ARHGEF10L: variants seen among roughly 807,000 people sequenced by gnomAD.
ARHGEF10L encodes the protein Rho guanine nucleotide exchange factor 10 like, also known as rho guanine nucleotide exchange factor 10-like protein.
A neutral mutation model predicts 141.2 loss-of-function variants in ARHGEF10L; 69 were observed. That is an observed-to-expected ratio of 0.49 (90% confidence interval 0.40 to 0.60). The LOEUF (loss-of-function observed/expected upper bound fraction) is 0.60, where lower values mean the gene tolerates loss of function less well. ARHGEF10L is among the 20% of genes least tolerant of loss of function. The probability of loss-of-function intolerance (pLI) is 0.00; values close to 1 mark genes in which losing one functional copy is unlikely to be tolerated. For missense variants in ARHGEF10L, 1,482 were observed against 1,734.3 expected, an observed-to-expected ratio of 0.85 and a Z score of 2.58; for synonymous variants, 711 against 718.5, an observed-to-expected ratio of 0.99 and a Z score of 0.17.
chr1:17,599,116 A>G (rs2080389055), intron 4 of ARHGEF10L, among the ~76,000 whole-genome samples: 1 of 152,070 alleles, frequency 6.6e-6, no homozygotes, highest in Non-Finnish European at 1.5e-5. Flanking sequence ...TGGGCAGATC[A>G]CCTGAGGTCA....
intron 25 of ARHGEF10L, among the ~76,000 whole-genome samples, chr1:17,659,815 C>T (rs1245427958): frequency 6.6e-6 from 1 of 152,218 alleles, no homozygotes; most frequent in Non-Finnish European, 1.5e-5. Flanking sequence ...TGGAGAAGGA[C>T]AGGACCAGAC....
Position 17,603,625 on chromosome 1 carries a change from G to T in ARHGEF10L, c.433+34G>T, listed in dbSNP as rs747093223. 6.4e-7 allele frequency: 1 copy of T among 1,554,834 alleles called. No homozygotes were observed. The highest frequency in any genetic ancestry group is 1.4e-5 in the African/African-American group (1 of 73,476). Reference sequence around the variant, plus strand: ...TCTGCAGTGCTTCCCTGTTTCTCTTGGGGACAGGGGAGGGAGGCTGGGACT... The same window carrying T: ...TCTGCAGTGCTTCCCTGTTTCTCTTTGGGACAGGGGAGGGAGGCTGGGACT... On this transcript the variant is annotated intron_variant, in intron 6 of 28. Transcript: ENST00000361221. This position sits in a 1 kb window ranked among gnomAD's most constrained non-coding sequence, Gnocchi z 4.8.
intron 21 of ARHGEF10L, among the ~76,000 whole-genome samples, chr1:17,646,346 C>T (rs974535175): frequency 1.8e-4 from 28 of 152,214 alleles, no homozygotes; most frequent in African/African-American, 6.0e-4. Context: ...TTGATGAAAG[C>T]GAGTCAGATT....
chr1:17,687,785 A>G, intron 27 of ARHGEF10L, 38 bp downstream of exon 27: 1 of 1,537,978 alleles, frequency 6.5e-7, no homozygotes, highest in South Asian at 1.3e-5. Flanking sequence ...GGACAGTCAC[A>G]GAGCACCTTC....
At chr1:17,518,666 C>T in the ARHGEF10L span, among the ~76,000 whole-genome samples, 2 of 151,924 alleles carry the variant, frequency 1.3e-5, no homozygotes, top group Middle Eastern at 3.4e-3. Context: ...GTGGTGCACA[C>T]CTGTAGTCCC....
intron 4 of ARHGEF10L, among the ~76,000 whole-genome samples, chr1:17,590,381 A>G (rs1179507375): frequency 1.3e-5 from 2 of 152,080 alleles, no homozygotes; most frequent in Non-Finnish European, 2.9e-5. Context: ...CTTGTGCGGC[A>G]GTGCCTGGTG....
intron 26 of ARHGEF10L, among the ~76,000 whole-genome samples, chr1:17,684,086 A>G (rs1277261177): frequency 1.3e-5 from 2 of 152,290 alleles, no homozygotes; most frequent in African/African-American, 2.4e-5. Flanking sequence ...GTTGGGTCTC[A>G]CTGACTGTCC....
intron 21 of ARHGEF10L, among the ~76,000 whole-genome samples, chr1:17,645,045 C>CG (rs1557915819): frequency 6.6e-6 from 1 of 152,004 alleles, no homozygotes; most frequent in South Asian, 2.1e-4. Context: ...CTGAGGGTAG[C>CG]GGGGGATCTG....
intron 26 of ARHGEF10L, 94 bp downstream of exon 26, chr1:17,664,689 A>G: frequency 7.2e-7 from 1 of 1,385,568 alleles, no homozygotes; most frequent in Admixed American, 3.1e-5. Flanking sequence ...TTCAGCTCCC[A>G]GTGGCATTCC....
intron 26 of ARHGEF10L, among the ~76,000 whole-genome samples, chr1:17,678,689 G>T (rs1331765261): frequency 6.6e-6 from 1 of 152,160 alleles, no homozygotes; most frequent in East Asian, 1.9e-4. Context: ...AAAGTGCTGG[G>T]ATTACAGGCA....
chr1:17,548,646 CTTTTTTT>C (rs892480738), intron 1 of ARHGEF10L, among the ~76,000 whole-genome samples: 16 of 88,292 alleles, frequency 1.8e-4, no homozygotes, highest in Non-Finnish European at 2.1e-4. Context: ...CAAAATAATT[CTTTTTTT>C]TTTTTTTTTT....
At position 17,608,127 on chromosome 1, in the gene ARHGEF10L, C is replaced by T. The variant is rs770546363; in HGVS notation, c.609+150C>T. The T allele has an allele frequency of 1.1e-5, 9 of 850,562 alleles. No homozygotes were observed. In the Admixed American group the frequency reaches 1.6e-4, roughly 15 times the overall value. 52.7% of individuals were successfully genotyped at this position (850,562 alleles called of 1,614,324 possible). ...CCGGGTATGTGTGGTGAGAGGGGAG[C>T]CAGAAGCCCAGGTCATCCCGAAACA... On this transcript the variant is annotated intron_variant, in intron 7 of 28. Coordinates refer to ENST00000361221, the MANE Select transcript of ARHGEF10L (RefSeq NM_018125.4).
intron 1 of ARHGEF10L, among the ~76,000 whole-genome samples, chr1:17,568,901 A>G (rs559529537): frequency 6.6e-5 from 10 of 152,142 alleles, no homozygotes; most frequent in Admixed American, 5.2e-4. Flanking sequence ...TCCCTCCCCC[A>G]ACACCTCCAG....
chr1:17,655,762 CAGG>C, intron 23 of ARHGEF10L, 114 bp from the exon 24 acceptor site: 2 of 886,600 alleles, frequency 2.3e-6, no homozygotes, highest in South Asian at 3.4e-5. Context: ...TGTGTGTGGG[CAGG>C]AGAAGGGATG....
chr1:17,602,062 G>T lies in ARHGEF10L; in HGVS notation c.258-65G>T, dbSNP rs562935668. On this transcript the variant is annotated intron_variant, in intron 4 of 28. Transcript: ENST00000361221. ...CCATCATGTCCCGCTGACCAGGTGA[G>T]GGGCTGCCAGAGGCTTCTGGGAGCC... is the stretch of plus-strand genomic sequence containing the variant. The T allele has an allele frequency of 9.1e-5, 129 of 1,410,690 alleles. No homozygotes were observed. The African/African-American group carries it at 1.3e-3, about 15-fold the overall frequency. The allele number at this position is 1,410,690 out of a possible 1,614,324, so 87.4% of individuals were successfully genotyped here.
At chr1:17,544,087 G>C (rs1251128851) in intron 1 of ARHGEF10L, among the ~76,000 whole-genome samples, 1 of 150,830 alleles carries the variant, frequency 6.6e-6, no homozygotes, top group Non-Finnish European at 1.5e-5. Flanking sequence ...ACAGTAGCTG[G>C]GATTACAGGT....
Position 17,625,985 on chromosome 1 carries a change from C to G in ARHGEF10L, c.1347C>G (p.Val449=), listed in dbSNP as rs1462546395. 6.2e-7 allele frequency: 1 copy of G among 1,613,984 alleles called. No homozygotes were observed. Among genetic ancestry groups the G allele is most frequent in the Admixed American group, 1.7e-5 (1 of 60,004 alleles). The change falls in exon 14 of 29, where the codon GTC becomes GTG. Residue 449 remains valine, a synonymous_variant. Transcript: ENST00000361221. This position sits in a 1 kb window ranked among gnomAD's most constrained non-coding sequence, Gnocchi z 4.5. The part of the protein sequence containing the change: ...KRRQVCSPDR[V]TLYGLMVKPI... ...GGCAGGTGTGCAGCCCAGACCGTGT[C>G]ACCCTCTACGGGCTGATGGTCAAGC...
In ARHGEF10L at chr1:17,546,096, C is replaced by CT. The variant is rs543354930; in HGVS notation, c.-44+6147dup. 1.2e-3 allele frequency among the ~76,000 whole-genome samples: 180 copies of CT among 152,298 alleles called. 1 individual carries two copies. The highest frequency in any genetic ancestry group is 2.0e-3 in the Non-Finnish European group (135 of 68,020). Reference sequence around the variant, plus strand: ...TCATCTGGGTGCCAGCAAAGGAAATCTGACAAACCTCACCTGTCAGGGGCC... The same window carrying CT: ...TCATCTGGGTGCCAGCAAAGGAAATCTTGACAAACCTCACCTGTCAGGGGCC... On this transcript the variant is annotated intron_variant, in intron 1 of 28. Transcript: ENST00000361221.
chr1:17,607,705 C>A lies in ARHGEF10L; in HGVS notation c.434-97C>A, dbSNP rs1350248393. ...GGCCCCCATGTTCTCCCTGACCCCC[C>A]CTCGCCCCACCTGGGTTCAGAAATT... is the stretch of plus-strand genomic sequence containing the variant. On this transcript the variant is annotated intron_variant, in intron 6 of 28. Transcript: ENST00000361221. The surrounding 1 kb of genome is among the most constrained non-coding windows in gnomAD (Gnocchi z 4.5). The A allele has an allele frequency of 1.5e-6, 2 of 1,295,986 alleles. No individual in the cohort carries two copies. The highest frequency in any genetic ancestry group is 1.6e-5 in the African/African-American group (1 of 64,046). 80.3% of individuals were successfully genotyped at this position (1,295,986 alleles called of 1,614,324 possible). A position where few individuals can be genotyped will look rare whatever the true frequency, so the allele number is the denominator to read the frequency against.
Sources: gnomAD v4.1 joint callset for allele counts (sites outside exome capture counted in the v4.1 genomes callset) on GRCh38, gnomAD v4.1.1 for gene constraint, Gnocchi (gnomAD v3.1) non-coding constraint, MANE v1.5 for transcripts, NCBI Gene and HGNC (gene_info 2026-07-23, HGNC 2026-07-21) for gene names.